BNC2: variants seen among roughly 807,000 people sequenced by gnomAD.
BNC2 encodes zinc finger protein basonuclin-2.
In BNC2, 20 loss-of-function variants were observed where a neutral mutation model predicts 76.3. The observed-to-expected ratio is 0.26, with a 90% CI of 0.18 to 0.38. The LOEUF (loss-of-function observed/expected upper bound fraction) is 0.38. BNC2 is among the 10% of genes least tolerant of loss of function. BNC2 has a pLI of 1.00. For synonymous variants in BNC2, 582 were observed against 514.8 expected (o/e 1.13, Z -1.77); for missense variants, 1,382 against 1,399.8 (o/e 0.99, Z 0.20).
chr9:16,677,148 C>A (rs897493623), intron 3 of BNC2, among the ~76,000 whole-genome samples: 2 of 152,190 alleles, frequency 1.3e-5, no homozygotes, highest in African/African-American at 4.8e-5. Context: ...ACAGTAACAA[C>A]AATGCATTCA....
intron 1 of BNC2, among the ~76,000 whole-genome samples, chr9:16,773,682 A>G (rs745946039): frequency 6.6e-6 from 1 of 152,176 alleles, no homozygotes; most frequent in Non-Finnish European, 1.5e-5. Flanking sequence ...AAGTCTTAAC[A>G]TGAGAGCCCA....
chr9:16,755,033 T>C (rs1825339686), intron 1 of BNC2, among the ~76,000 whole-genome samples: 2 of 152,162 alleles, frequency 1.3e-5, no homozygotes, highest in Non-Finnish European at 2.9e-5. Context: ...CCCACACTTA[T>C]GGGAGAGCAA....
chr9:16,656,196 T>G (rs1237855354), intron 3 of BNC2, among the ~76,000 whole-genome samples: 1 of 152,112 alleles, frequency 6.6e-6, no homozygotes, highest in East Asian at 1.9e-4. Context: ...TAACCCTGTG[T>G]GTAGGTGCTC....
intron 3 of BNC2, among the ~76,000 whole-genome samples, chr9:16,710,963 C>A (rs1423153567): frequency 1.3e-5 from 2 of 152,138 alleles, no homozygotes; most frequent in African/African-American, 4.8e-5. Flanking sequence ...CCTGAGAAAG[C>A]AATTTTCTAT....
chr9:16,605,347 C>T (rs139370003), intron 3 of BNC2, among the ~76,000 whole-genome samples: 3 of 152,232 alleles, frequency 2.0e-5, no homozygotes, highest in Non-Finnish European at 4.4e-5. Context: ...AATGGACAAA[C>T]TCAGCTTATC....
intron 5 of BNC2, among the ~76,000 whole-genome samples, chr9:16,495,527 C>G (rs560165320): frequency 6.6e-6 from 1 of 152,314 alleles, no homozygotes; most frequent in Admixed American, 6.5e-5. Context: ...GGGTCCGGTC[C>G]TTCTGGGGAC....
chr9:16,779,130 A>AAAGAAAG (rs1554729003), intron 1 of BNC2, among the ~76,000 whole-genome samples: 218 of 87,638 alleles, frequency 2.5e-3, no homozygotes, highest in Middle Eastern at 8.6e-3. Context: ...AAAAAAAAAA[A>AAAGAAAG]AAAAGAAAAG....
At chr9:16,703,038 G>A (rs573765286) in intron 3 of BNC2, among the ~76,000 whole-genome samples, 1 of 152,158 alleles carries the variant, frequency 6.6e-6, no homozygotes, top group African/African-American at 2.4e-5. Flanking sequence ...CTTTTATGCG[G>A]AGAAGATTCC....
At chr9:16,428,717 G>T (rs1820848422) in intron 6 of BNC2, among the ~76,000 whole-genome samples, 1 of 151,976 alleles carries the variant, frequency 6.6e-6, no homozygotes, top group African/African-American at 2.4e-5. Context: ...GCAACAAAAA[G>T]AATTAAACTA....
At chr9:16,657,927 T>C (rs924947480) in intron 3 of BNC2, among the ~76,000 whole-genome samples, 1 of 152,176 alleles carries the variant, frequency 6.6e-6, no homozygotes. Flanking sequence ...CTGCTTTTTG[T>C]AATCTCTGAT....
At chr9:16,653,690 C>T (rs923590295) in intron 3 of BNC2, among the ~76,000 whole-genome samples, 3 of 152,080 alleles carry the variant, frequency 2.0e-5, no homozygotes, top group South Asian at 2.1e-4. Flanking sequence ...TTCATCTGGT[C>T]GGCAGGGTGG....
At chr9:16,708,435 T>C (rs922189024) in intron 3 of BNC2, among the ~76,000 whole-genome samples, 8 of 152,148 alleles carry the variant, frequency 5.3e-5, no homozygotes, top group South Asian at 2.1e-4. Flanking sequence ...AGTCGAGAGA[T>C]TGGCTAAATC....
chr9:16,671,964 A>G (rs1822490306), intron 3 of BNC2, among the ~76,000 whole-genome samples: 1 of 152,234 alleles, frequency 6.6e-6, no homozygotes, highest in African/African-American at 2.4e-5. Context: ...CTTATGCCAC[A>G]GTTTCTCTCA....
chr9:16,470,740 CG>C (rs772331676), intron 5 of BNC2, among the ~76,000 whole-genome samples: 1 of 152,218 alleles, frequency 6.6e-6, no homozygotes, highest in Non-Finnish European at 1.5e-5. Context: ...ATCGAAGTTT[CG>C]GAACCTCCGC....
At chr9:16,569,000 A>G (rs1563843548) in intron 4 of BNC2, among the ~76,000 whole-genome samples, 1 of 135,978 alleles carries the variant, frequency 7.4e-6, no homozygotes, top group African/African-American at 3.5e-5. Context: ...GCTTGCTTCT[A>G]GAGTTTTTTT....
chr9:16,614,192 T>C (rs1368368335), intron 3 of BNC2, among the ~76,000 whole-genome samples: 4 of 152,186 alleles, frequency 2.6e-5, no homozygotes, highest in South Asian at 4.1e-4. Context: ...GCAACAGACG[T>C]AGGGGTACAC....
intron 1 of BNC2, among the ~76,000 whole-genome samples, chr9:16,813,228 C>A (rs1035925773): frequency 6.6e-6 from 1 of 151,920 alleles, no homozygotes; most frequent in Non-Finnish European, 1.5e-5. Context: ...GGTCTATATA[C>A]CCACAACATT....
intron 5 of BNC2, among the ~76,000 whole-genome samples, chr9:16,439,606 G>A (rs1230204701): frequency 6.6e-6 from 1 of 152,182 alleles, no homozygotes; most frequent in Non-Finnish European, 1.5e-5. Context: ...GCTTTTGCAA[G>A]GGAAAAGTCT....
intron 1 of BNC2, among the ~76,000 whole-genome samples, chr9:16,836,139 G>C (rs1055432277): frequency 6.6e-6 from 1 of 152,202 alleles, no homozygotes; most frequent in Non-Finnish European, 1.5e-5. Flanking sequence ...CTCACAGCAA[G>C]ACGGTCCTGC....
Sources: gnomAD v4.1 joint callset for allele counts (sites outside exome capture counted in the v4.1 genomes callset) on GRCh38, gnomAD v4.1.1 for gene constraint, MANE v1.5 for transcripts, NCBI Gene and HGNC (gene_info 2026-07-23, HGNC 2026-07-21) for gene names.